NUDT21: variants seen among roughly 807,000 people sequenced by gnomAD.
The protein encoded by NUDT21 is cleavage and polyadenylation specificity factor subunit 5.
NUDT21 carries 5 observed loss-of-function variants against 29.8 expected under a neutral mutation model. The observed-to-expected ratio is 0.17, with a 90% CI of 0.09 to 0.35. The LOEUF (loss-of-function observed/expected upper bound fraction) is 0.35, where lower values mean the gene tolerates loss of function less well. Among genes scored for constraint, NUDT21 ranks in the 10% least tolerant of loss-of-function variants. The pLI is 1.00. For synonymous variants in NUDT21, 113 were observed against 98.5 expected (o/e 1.15, Z -0.87); for missense variants, 76 against 276.0 (o/e 0.28, Z 5.13).
intron 1 of NUDT21, chr16:56,449,361 C>T (rs1477760983): frequency 3.3e-5 from 5 of 152,326 alleles, no homozygotes; most frequent in Middle Eastern, 3.4e-3. Flanking sequence ...CTTACTTCCT[C>T]ACCACTGTAT....
chr16:56,440,917 T>C (rs1177123810), intron 3 of NUDT21, among the ~76,000 whole-genome samples: 1 of 151,672 alleles, frequency 6.6e-6, no homozygotes, highest in Admixed American at 6.6e-5. Context: ...TTTTTGTCTT[T>C]TTAGTAGAGA....
At chr16:56,451,000 G>T (rs1325993556) in intron 1 of NUDT21, 87 bp downstream of exon 1, 2 of 1,147,902 alleles carry the variant, frequency 1.7e-6, no homozygotes, top group East Asian at 2.4e-5. Flanking sequence ...GCAGAGGCGT[G>T]AAGCGCGCCG....
At chr16:56,439,515 T>C (rs1372667381) in intron 4 of NUDT21, 142 bp downstream of exon 4, 3 of 703,776 alleles carry the variant, frequency 4.3e-6, no homozygotes, top group South Asian at 1.7e-5. Context: ...TAAGAAGTGC[T>C]TGGCTTAATT....
intron 3 of NUDT21, among the ~76,000 whole-genome samples, chr16:56,444,620 CA>C (rs376261802): frequency 0.077 from 8,546 of 110,962 alleles, 315 homozygotes; most frequent in East Asian, 0.2. Context: ...AAAACAAAAA[CA>C]AAAAAAAAAA....
At chr16:56,434,609 T>C in intron 5 of NUDT21, 145 bp downstream of exon 5, 1 of 772,426 alleles carries the variant, frequency 1.3e-6, no homozygotes, top group South Asian at 1.6e-5. Context: ...TAGCCACAGA[T>C]TTGAAACTAA....
At chr16:56,449,634 T>G (rs1055526624) in intron 1 of NUDT21, among the ~76,000 whole-genome samples, 1 of 152,226 alleles carries the variant, frequency 6.6e-6, no homozygotes, top group African/African-American at 2.4e-5. Flanking sequence ...ACAAAATGGT[T>G]GGATGCAAAT....
chr16:56,441,323 A>G (rs1962156952), intron 3 of NUDT21, among the ~76,000 whole-genome samples: 1 of 152,058 alleles, frequency 6.6e-6, no homozygotes. Context: ...TGCAACCTCC[A>G]CCACCCAGGT....
chr16:56,448,208 T>C (rs1275747948), intron 1 of NUDT21, among the ~76,000 whole-genome samples: 1 of 152,216 alleles, frequency 6.6e-6, no homozygotes, highest in Non-Finnish European at 1.5e-5. Flanking sequence ...TGCTCCTCCA[T>C]ACTTTAACTT....
At chr16:56,435,641 G>C (rs1276938733) in intron 4 of NUDT21, among the ~76,000 whole-genome samples, 1 of 144,488 alleles carries the variant, frequency 6.9e-6, no homozygotes, top group African/African-American at 2.5e-5. Context: ...CAGGAGAATG[G>C]CGTGAACCTG....
intron 1 of NUDT21, chr16:56,449,371 T>G (rs1962252866): frequency 6.6e-6 from 1 of 152,216 alleles, no homozygotes; most frequent in Non-Finnish European, 1.5e-5. Flanking sequence ...CACCACTGTA[T>G]ATCCAGTATT....
chr16:56,450,053 G>A (rs576322381), intron 1 of NUDT21, among the ~76,000 whole-genome samples: 1 of 152,134 alleles, frequency 6.6e-6, no homozygotes, highest in African/African-American at 2.4e-5. Flanking sequence ...TTTGGTTGGG[G>A]GACGGGGAGA....
At chr16:56,448,407 C>G (rs945517308) in intron 1 of NUDT21, among the ~76,000 whole-genome samples, 8 of 152,182 alleles carry the variant, frequency 5.3e-5, no homozygotes, top group Admixed American at 2.6e-4. Flanking sequence ...TGGCTAATTT[C>G]TTTTTCCTAA....
At chr16:56,438,171 T>C (rs966924043) in intron 4 of NUDT21, among the ~76,000 whole-genome samples, 1 of 152,180 alleles carries the variant, frequency 6.6e-6, no homozygotes, top group African/African-American at 2.4e-5. Flanking sequence ...GTGTGACCAA[T>C]AGCACACAGC....
intron 3 of NUDT21, among the ~76,000 whole-genome samples, chr16:56,445,188 A>G (rs1301930538): frequency 6.8e-6 from 1 of 147,514 alleles, no homozygotes; most frequent in East Asian, 1.9e-4. Context: ...TCGTCTCAAG[A>G]AAAAAAAAAA....
chr16:56,436,799 GA>G (rs1962108470), intron 4 of NUDT21, among the ~76,000 whole-genome samples: 1 of 152,042 alleles, frequency 6.6e-6, no homozygotes, highest in African/African-American at 2.4e-5. Flanking sequence ...CTTTTCCACT[GA>G]CATCTAACTA....
intron 1 of NUDT21, 150 bp from the exon 2 acceptor site, chr16:56,448,139 G>A: frequency 1.6e-6 from 1 of 645,158 alleles, no homozygotes; most frequent in Non-Finnish European, 2.6e-6. Context: ...TAATGAAACA[G>A]CAGAGACTGG....
chr16:56,435,743 T>TTATATATA (rs777245596), intron 4 of NUDT21, among the ~76,000 whole-genome samples: 2,048 of 26,954 alleles, frequency 0.076, 465 homozygotes, highest in Middle Eastern at 0.094. Context: ...AAAAAAAAAA[T>TTATATATA]TATATATATA....
In NUDT21 at chr16:56,429,818, TA is replaced by T. The variant is rs1475102665; in HGVS notation, c.*2893del. The T allele has an allele frequency of 6.6e-6, 1 of 152,142 alleles. No homozygotes were observed. Among genetic ancestry groups the T allele is most frequent in the East Asian group, 1.9e-4 (1 of 5,194 alleles). The allele number at this position is 152,142 out of a possible 1,614,324, so 9.4% of individuals were successfully genotyped here. A position where few individuals can be genotyped will look rare whatever the true frequency, so the allele number is the denominator to read the frequency against. On this transcript the variant is annotated 3_prime_UTR_variant, in exon 7 of 7. Transcript: ENST00000300291. ...TACTGTTCCAAACACTATGAACTAGTAAAAACATTAAGTTTGAGGATGGAAA... is the reference window on the plus strand; with the variant it reads ...TACTGTTCCAAACACTATGAACTAGTAAAACATTAAGTTTGAGGATGGAAA...
At chr16:56,434,141 C>T (rs911758078) in intron 6 of NUDT21, among the ~76,000 whole-genome samples, 190 bp downstream of exon 6, 4 of 152,112 alleles carry the variant, frequency 2.6e-5, no homozygotes, top group African/African-American at 7.2e-5. Flanking sequence ...AATGTCATGC[C>T]GAAACTTAAG....
Sources: gnomAD v4.1 joint callset for allele counts (sites outside exome capture counted in the v4.1 genomes callset) on GRCh38, gnomAD v4.1.1 for gene constraint, MANE v1.5 for transcripts, NCBI Gene and HGNC (gene_info 2026-07-23, HGNC 2026-07-21) for gene names.